CGRRF1: variants seen among roughly 807,000 people sequenced by gnomAD.
The protein encoded by CGRRF1 is cell growth regulator with ring finger domain 1.
CGRRF1 carries 32 observed loss-of-function variants against 37.2 expected under a neutral mutation model. That is an observed-to-expected ratio of 0.86 (90% CI 0.65 to 1.16). The LOEUF is 1.16. Ranked by LOEUF, CGRRF1 falls within the 50% of genes most tolerant of loss-of-function variation. The probability of loss-of-function intolerance (pLI) is 0.00; values close to 1 mark genes in which losing one functional copy is unlikely to be tolerated. For synonymous variants in CGRRF1, 141 were observed against 140.3 expected, an observed-to-expected ratio of 1.00 and a Z score of -0.04; for missense variants, 391 against 382.6, an observed-to-expected ratio of 1.02 and a Z score of -0.18.
intron 3 of CGRRF1, 162 bp downstream of exon 3, chr14:54,530,388 C>T (rs1279783997): frequency 1.1e-6 from 1 of 929,482 alleles, no homozygotes; most frequent in Non-Finnish European, 1.6e-6. Context: ...GTGAATATCT[C>T]TATCAGGAAC....
At chr14:54,537,596 T>G (rs935085277) in intron 4 of CGRRF1, 126 bp from the exon 5 acceptor site, 2 of 1,017,484 alleles carry the variant, frequency 2.0e-6, no homozygotes, top group Admixed American at 4.0e-5. Context: ...CTTTTATTTT[T>G]GAGAAGCATT....
In CGRRF1 at chr14:54,530,677, G is replaced by A. The variant is rs1046767535; in HGVS notation, c.423-226G>A. ...CTTATTGATCATTTTTGGTATACTA[G>A]AAGCATGTTTATTGCTTCAGAATAA... On this transcript the variant is annotated intron_variant, in intron 3 of 5. Coordinates refer to ENST00000216420, the MANE Select transcript of CGRRF1 (RefSeq NM_006568.3). The A allele has an allele frequency of 2.5e-5, 21 of 840,026 alleles. No homozygotes were observed. In the South Asian group the frequency reaches 4.2e-4, roughly 17 times the overall value. The allele number at this position is 840,026 out of a possible 1,614,324, so 52.0% of individuals were successfully genotyped here.
chr14:54,527,122 G>A (rs771796238), intron 2 of CGRRF1, among the ~76,000 whole-genome samples: 42 of 152,106 alleles, frequency 2.8e-4, no homozygotes, highest in African/African-American at 6.3e-4. Context: ...TTACAGCTAC[G>A]TCCCAATTCT....
rs1555328359 is a variant in CGRRF1 at position 54,509,912 on chromosome 14, G to C, written c.-48G>C. The C allele has an allele frequency of 6.9e-7, 1 of 1,438,956 alleles. No homozygotes were observed. Among genetic ancestry groups the C allele is most frequent in the South Asian group, 1.1e-5 (1 of 87,328 alleles). 89.1% of individuals were successfully genotyped at this position (1,438,956 alleles called of 1,614,324 possible). On this transcript the variant is annotated 5_prime_UTR_variant, in exon 1 of 6. Coordinates refer to ENST00000216420, the MANE Select transcript of CGRRF1 (RefSeq NM_006568.3). The stretch of plus-strand genomic sequence containing the variant: ...GGGCGGGCGGGGCTCAGCCGGGCTG[G>C]GCTGGGCTCCGCGGCTGGAGCCGGG...
chr14:54,531,415 A>C (rs538218951), intron 4 of CGRRF1, among the ~76,000 whole-genome samples: 1 of 152,246 alleles, frequency 6.6e-6, no homozygotes, highest in South Asian at 2.1e-4. Context: ...ATATGACTTT[A>C]TTTGGGAAAT....
chr14:54,512,942 A>G (rs1276198259), intron 1 of CGRRF1, among the ~76,000 whole-genome samples: 5 of 152,128 alleles, frequency 3.3e-5, no homozygotes, highest in Admixed American at 3.3e-4. Flanking sequence ...TGCTGTTACT[A>G]CTTCTTATCA....
chr14:54,533,509 A>G (rs2032552866), intron 4 of CGRRF1, among the ~76,000 whole-genome samples: 1 of 152,210 alleles, frequency 6.6e-6, no homozygotes, highest in Non-Finnish European at 1.5e-5. Flanking sequence ...AAATATATTT[A>G]TTAGTGTATT....
rs111767308 is a variant in CGRRF1 at position 54,526,350 on chromosome 14, C to T, written c.245-3699C>T. On this transcript the variant is annotated intron_variant, in intron 2 of 5. Coordinates refer to ENST00000216420, the MANE Select transcript of CGRRF1 (RefSeq NM_006568.3). The stretch of plus-strand genomic sequence containing the variant: ...ATTTTTAGTAGAGACAGGGTTTCAC[C>T]GTGTTATCCAGGATGGTCTCAATCT... Among the ~76,000 whole-genome samples the T allele has an allele frequency of 1.8e-3, 269 of 151,372 alleles. 1 individual carries two copies. Among genetic ancestry groups the T allele is most frequent in the African/African-American group, 6.0e-3 (246 of 41,324 alleles).
At position 54,537,784 on chromosome 14, in the gene CGRRF1, G is replaced by A. The variant is rs528088515; in HGVS notation, c.633G>A (p.Leu211=). ...CTTATAAACTATCCTGCAGAATATT[G>A]TATCAATATTTACTCTTGGCTCAAG... ...DRTYKLSCRI[L]YQYLLLAQGQ... Residue 211 remains leucine, a synonymous_variant, in exon 5 of 6, where the codon TTG becomes TTA. Transcript: ENST00000216420. 1.2e-5 allele frequency: 20 copies of A among 1,601,370 alleles called. No homozygotes were observed. The Admixed American group carries it at 2.5e-4, about 20-fold the overall frequency.
chr14:54,531,014 C>T lies in CGRRF1; in HGVS notation c.534C>T (p.Thr178=). The stretch of plus-strand genomic sequence containing the variant: ...GCTATCCATTGGTAGCGCTATTGAC[C>T]TTAGCTGATGAGGATGACCGGGAAA... ...RSRYPLVALL[T]LADEDDREIY... Residue 178 remains threonine, a synonymous_variant, in exon 4 of 6, where the codon ACC becomes ACT. Transcript: ENST00000216420. 1 of 1,612,180 alleles carries T rather than the reference C, an allele frequency of 6.2e-7. No individual in the cohort carries two copies. Among genetic ancestry groups the T allele is most frequent in the African/African-American group, 1.3e-5 (1 of 74,966 alleles).
At chr14:54,531,616 A>T (rs2032516150) in intron 4 of CGRRF1, among the ~76,000 whole-genome samples, 1 of 152,120 alleles carries the variant, frequency 6.6e-6, no homozygotes, top group Admixed American at 6.6e-5. Context: ...GCTTGCAGTC[A>T]CCTTGTTTCC....
Position 54,530,211 on chromosome 14 carries a change from A to G in CGRRF1, c.407A>G (p.Tyr136Cys), listed in dbSNP as rs760835713. The part of the protein sequence containing the change: ...LEDALYSEYL[Y>C]QEQYFIKKDS... ...GATGCTCTGTATAGTGAATATCTCTATCAGGAACAGTATTTGTATCCTTTC... is the reference window on the plus strand; with the variant it reads ...GATGCTCTGTATAGTGAATATCTCTGTCAGGAACAGTATTTGTATCCTTTC... Residue 136 changes from tyrosine to cysteine, a missense_variant, in exon 3 of 6, where the codon TAT becomes TGT. Transcript: ENST00000216420. The G allele has an allele frequency of 3.6e-5, 58 of 1,603,940 alleles. No homozygotes were observed. The highest frequency in any genetic ancestry group is 1.1e-5 in the South Asian group (1 of 90,724).
intron 4 of CGRRF1, chr14:54,537,261 C>G (rs868600977): frequency 6.6e-6 from 1 of 152,468 alleles, no homozygotes; most frequent in Middle Eastern, 3.4e-3. Context: ...TCATAACTCT[C>G]TCTTTTCAGT....
intron 1 of CGRRF1, 176 bp downstream of exon 1, chr14:54,510,239 C>T (rs560504320): frequency 6.0e-5 from 36 of 602,216 alleles, no homozygotes; most frequent in African/African-American, 5.9e-4. Context: ...GGACGCTGCA[C>T]CTGCGTCACT....
rs1052750319 is a variant in CGRRF1, at chr14:54,530,966, C to G, written c.486C>G (p.Asp162Glu). The G allele has an allele frequency of 6.9e-6, 11 of 1,605,722 alleles. No homozygotes were observed. Among genetic ancestry groups the G allele is most frequent in the South Asian group, 1.1e-5 (1 of 90,870 alleles). ...CQLPRDTKIEDFGTVPRSRYP... is the reference protein window; with the variant it reads ...CQLPRDTKIEEFGTVPRSRYP... ...TACCAAGAGATACTAAAATTGAAGA[C>G]TTTGGTACAGTACCCAGATCTCGCT... The change falls in exon 4 of 6, where the codon GAC (aspartate) becomes GAG (glutamate). Residue 162 changes from aspartate to glutamate, a missense_variant. By Grantham distance (45) the Asp-to-Glu change is conservative. Coordinates refer to ENST00000216420, the MANE Select transcript of CGRRF1 (RefSeq NM_006568.3).
intron 1 of CGRRF1, among the ~76,000 whole-genome samples, chr14:54,511,107 G>A (rs1260167216): frequency 6.6e-6 from 1 of 152,184 alleles, no homozygotes; most frequent in Admixed American, 6.5e-5. Flanking sequence ...GAATAAAGAA[G>A]GCTACGTAAA....
intron 4 of CGRRF1, among the ~76,000 whole-genome samples, chr14:54,535,544 T>A (rs372088667): frequency 1.5e-4 from 23 of 152,208 alleles, no homozygotes; most frequent in African/African-American, 3.9e-4. Context: ...TTTCTCTAAT[T>A]GGTCATGTTA....
chr14:54,533,212 G>T (rs1287034024), intron 4 of CGRRF1, among the ~76,000 whole-genome samples: 1 of 151,868 alleles, frequency 6.6e-6, no homozygotes, highest in Non-Finnish European at 1.5e-5. Context: ...TTGTGTGTGT[G>T]TTTTCAGTTC....
rs762450985 is a variant in CGRRF1, at chr14:54,522,476, A to C, written c.127A>C (p.Ile43Leu). 5.6e-5 allele frequency: 89 copies of C among 1,578,562 alleles called. No homozygotes were observed. Among genetic ancestry groups the C allele is most frequent in the Non-Finnish European group, 7.2e-5 (84 of 1,168,438 alleles). Reference protein sequence around the residue: ...LGWFGWDVPVILRNSEETQFS... With the variant: ...LGWFGWDVPVLLRNSEETQFS... ...TAGGTTTGGTTGGGATGTTCCAGTAATTCTGAGAAATTCAGAAGAGACCCA... is the reference window on the plus strand; with the variant it reads ...TAGGTTTGGTTGGGATGTTCCAGTACTTCTGAGAAATTCAGAAGAGACCCA... Residue 43 changes from isoleucine to leucine, a missense_variant, in exon 2 of 6, where the codon ATT (isoleucine) becomes CTT (leucine). Physicochemically the swap from Ile to Leu is conservative, Grantham distance 5. Transcript: ENST00000216420.
Sources: gnomAD v4.1 joint callset for allele counts (sites outside exome capture counted in the v4.1 genomes callset) on GRCh38, gnomAD v4.1.1 for gene constraint, MANE v1.5 for transcripts, NCBI Gene and HGNC (gene_info 2026-07-23, HGNC 2026-07-21) for gene names.